Variants in PIEZO2 observed in about 807,000 individuals in gnomAD.
PIEZO2 encodes the protein piezo-type mechanosensitive ion channel component 2.
In PIEZO2, 172 loss-of-function variants were observed where a neutral mutation model predicts 337.3. The ratio of observed to expected loss-of-function variants is 0.51; its 90% confidence interval spans 0.45 to 0.58. The LOEUF (loss-of-function observed/expected upper bound fraction) is 0.58, where lower values mean the gene tolerates loss of function less well. Ranked by LOEUF, PIEZO2 falls within the 20% of genes least tolerant of loss-of-function variation. The probability of loss-of-function intolerance (pLI) is 0.00; values close to 1 mark genes in which losing one functional copy is unlikely to be tolerated. For synonymous variants in PIEZO2, 1,251 were observed against 1,228.5 expected (o/e 1.02, Z -0.38); for missense variants, 3,028 against 3,391.3 (o/e 0.89, Z 2.66).
rs1473154974 is a variant in PIEZO2 at position 10,952,556 on chromosome 18, T to C, written c.286+26979A>G. 6.6e-6 allele frequency among the ~76,000 whole-genome samples: 1 copy of C among 152,364 alleles called. No homozygotes were observed. Among genetic ancestry groups the C allele is most frequent in the African/African-American group, 2.4e-5 (1 of 41,594 alleles). On this transcript the variant is annotated intron_variant, in intron 3 of 55. Coordinates refer to ENST00000674853, the MANE Select transcript of PIEZO2 (RefSeq NM_001378183.1). This position sits in a 1 kb window ranked among gnomAD's most constrained non-coding sequence, Gnocchi z 4.1. ...TGTACCCATAGTTTGTTGCTTTCTATTGTTGACCTGTGTAGTCCATCCAGG... is the reference window on the plus strand; with the variant it reads ...TGTACCCATAGTTTGTTGCTTTCTACTGTTGACCTGTGTAGTCCATCCAGG...
Position 10,954,233 on chromosome 18 carries a change from A to C in PIEZO2, c.286+25302T>G, listed in dbSNP as rs2033425393. Among the ~76,000 whole-genome samples, 1 of 152,116 alleles carries C rather than the reference A, an allele frequency of 6.6e-6. No homozygotes were observed. On this transcript the variant is annotated intron_variant, in intron 3 of 55. Transcript: ENST00000674853. The surrounding 1 kb of genome is among the most constrained non-coding windows in gnomAD (Gnocchi z 4.2). ...ACAAAAATATCCTGCTGGGATTCTG[A>C]CTAGAATTGTGTTGAACCTATAGAT...
rs371740075 is a variant in PIEZO2, at chr18:10,881,190, T to C, written c.330-9775A>G. Among the ~76,000 whole-genome samples, 8 of 152,016 alleles carry C rather than the reference T, an allele frequency of 5.3e-5. No individual in the cohort carries two copies. The South Asian group carries it at 1.7e-3, about 32-fold the overall frequency. On this transcript the variant is annotated intron_variant, in intron 4 of 55. Coordinates refer to ENST00000674853, the MANE Select transcript of PIEZO2 (RefSeq NM_001378183.1). ...ACGCAGATATCTAATTACCTTAAGGTATGAATTGTTGCTGGATTTTCAGGA... is the reference window on the plus strand; with the variant it reads ...ACGCAGATATCTAATTACCTTAAGGCATGAATTGTTGCTGGATTTTCAGGA...
chr18:10,704,358 C>CT, intron 42 of PIEZO2, 36 bp downstream of exon 42: 1 of 1,532,606 alleles, frequency 6.5e-7, no homozygotes. Flanking sequence ...GCATAGCCGC[C>CT]TGAAGCCATC....
chr18:10,680,163 A>C, intron 52 of PIEZO2, 36 bp downstream of exon 52: 1 of 1,544,518 alleles, frequency 6.5e-7, no homozygotes, highest in Non-Finnish European at 8.8e-7. Flanking sequence ...TAGACTGGGG[A>C]AAGGGATAAA....
intron 1 of PIEZO2, among the ~76,000 whole-genome samples, chr18:11,118,012 T>A (rs1007534035): frequency 6.6e-6 from 1 of 152,308 alleles, no homozygotes; most frequent in African/African-American, 2.4e-5. Flanking sequence ...TGGCTAAAAG[T>A]TTATGTTGTC....
intron 10 of PIEZO2, 52 bp downstream of exon 10, chr18:10,801,338 G>C: frequency 1.4e-6 from 2 of 1,393,010 alleles, no homozygotes; most frequent in Non-Finnish European, 1.9e-6. Flanking sequence ...TCCATTTGTT[G>C]CCTTTACATC....
At chr18:11,026,921 AAG>A (rs1273483384) in intron 2 of PIEZO2, among the ~76,000 whole-genome samples, 4 of 152,216 alleles carry the variant, frequency 2.6e-5, no homozygotes, top group African/African-American at 9.7e-5. Context: ...ACACAGGAAA[AAG>A]AGAAAAAGAA....
chr18:11,118,591 A>G (rs2039950801), intron 1 of PIEZO2, among the ~76,000 whole-genome samples: 2 of 152,234 alleles, frequency 1.3e-5, no homozygotes, highest in Admixed American at 1.3e-4. Context: ...ACCATCAAGA[A>G]GTGGAATGAA....
At position 11,051,364 on chromosome 18, in the gene PIEZO2, T is replaced by TGTGTGTGTGTGG. The variant is rs1288310705; in HGVS notation, c.160+14762_160+14763insCCACACACACAC. 1.8e-3 allele frequency among the ~76,000 whole-genome samples: 279 copies of TGTGTGTGTGTGG among 151,968 alleles called. 2 individuals carry two copies. The highest frequency in any genetic ancestry group is 5.2e-3 in the South Asian group (25 of 4,814). ...CTTAGGATGTGTGTGTGTGTGTGTG[T>TGTGTGTGTGTGG]GTGTGGGTGTGGGTGTGGGTGTGGG... On this transcript the variant is annotated intron_variant, in intron 2 of 55. Coordinates refer to ENST00000674853, the MANE Select transcript of PIEZO2 (RefSeq NM_001378183.1).
At chr18:11,086,257 A>G (rs1018594260) in intron 1 of PIEZO2, among the ~76,000 whole-genome samples, 6 of 152,208 alleles carry the variant, frequency 3.9e-5, no homozygotes, top group African/African-American at 7.2e-5. Context: ...GCAGTGGCTC[A>G]TGCCTGTAAT....
chr18:10,812,457 C>T (rs2040224270), intron 7 of PIEZO2, among the ~76,000 whole-genome samples: 1 of 152,160 alleles, frequency 6.6e-6, no homozygotes, highest in Non-Finnish European at 1.5e-5. Flanking sequence ...ATGAAATCAT[C>T]TGTATACCTG....
At chr18:11,026,262 T>C (rs922959824) in intron 2 of PIEZO2, among the ~76,000 whole-genome samples, 4 of 152,202 alleles carry the variant, frequency 2.6e-5, no homozygotes, top group African/African-American at 9.7e-5. Context: ...TTTATTAATA[T>C]ATTGAAATTG....
rs909656867 is a variant in PIEZO2, at chr18:11,031,879, C to T, written c.160+34248G>A. Among the ~76,000 whole-genome samples, 5 of 152,182 alleles carry T rather than the reference C, an allele frequency of 3.3e-5. No homozygotes were observed. The highest frequency in any genetic ancestry group is 1.2e-4 in the African/African-American group (5 of 41,430). On this transcript the variant is annotated intron_variant, in intron 2 of 55. Transcript: ENST00000674853. The surrounding 1 kb of genome is among the most constrained non-coding windows in gnomAD (Gnocchi z 4.7). ...TTTTAATATTTTATAATCCATTTGG[C>T]TGCTGAATATTAGCCCAACCCTTTA...
In PIEZO2 at chr18:10,744,167, T is replaced by G. The variant is rs969514830; in HGVS notation, c.4489A>C (p.Lys1497Gln). 1 of 1,536,788 alleles carries G rather than the reference T, an allele frequency of 6.5e-7. No individual in the cohort carries two copies. The highest frequency in any genetic ancestry group is 1.4e-5 in the African/African-American group (1 of 73,030). ...AVKARIEEEK[K>Q]SMDQLKRQMD... is the part of the protein sequence containing the mutation. ...TGTCGCTTCAGCTGGTCCATGGACTTCTTCTCTTCCTCAATTCTTGCCTTT... is the reference window on the plus strand; with the variant it reads ...TGTCGCTTCAGCTGGTCCATGGACTGCTTCTCTTCCTCAATTCTTGCCTTT... The change falls in exon 31 of 56, where the codon AAG (lysine) becomes CAG (glutamine). Residue 1497 changes from lysine (K) to glutamine (Q), a missense_variant. Around this residue, in one of 5 missense-constraint regions of PIEZO2, gnomAD observed 1,925 missense variants for 2,051.9 expected, o/e 0.94. Coordinates refer to ENST00000674853, the MANE Select transcript of PIEZO2 (RefSeq NM_001378183.1).
rs1014729159 is a variant in PIEZO2, at chr18:10,854,641, C to G, written c.917+712G>C. Among the ~76,000 whole-genome samples, 1 of 152,196 alleles carries G rather than the reference C, an allele frequency of 6.6e-6. No individual in the cohort carries two copies. The highest frequency in any genetic ancestry group is 1.5e-5 in the Non-Finnish European group (1 of 68,032). ...ATTTGGTGTAATAGTCATCTCCAAT[C>G]GAAGCAAAGTATTTGATGTTTCTCC... On this transcript the variant is annotated intron_variant, in intron 7 of 55. Transcript: ENST00000674853. This position sits in a 1 kb window ranked among gnomAD's most constrained non-coding sequence, Gnocchi z 4.6.
chr18:11,145,600 C>T (rs991399054), intron 1 of PIEZO2, among the ~76,000 whole-genome samples: 1 of 152,150 alleles, frequency 6.6e-6, no homozygotes, highest in African/African-American at 2.4e-5. Context: ...GACCTTTGCA[C>T]TCACTATGCG....
chr18:10,796,875 ACAC>A (rs1300921301), intron 12 of PIEZO2, among the ~76,000 whole-genome samples: 9 of 152,332 alleles, frequency 5.9e-5, no homozygotes, highest in African/African-American at 1.9e-4. Flanking sequence ...GATATTGTAC[ACAC>A]CATCATATCA....
intron 7 of PIEZO2, among the ~76,000 whole-genome samples, chr18:10,812,950 A>G (rs2040242900): frequency 6.6e-6 from 1 of 152,080 alleles, no homozygotes; most frequent in African/African-American, 2.4e-5. Flanking sequence ...TATTTGAGGC[A>G]AAATACACAT....
chr18:11,036,770 T>G (rs1485773006), intron 2 of PIEZO2, among the ~76,000 whole-genome samples: 2 of 152,130 alleles, frequency 1.3e-5, no homozygotes, highest in Non-Finnish European at 2.9e-5. Flanking sequence ...CTTTGATATC[T>G]CCTTGATACT....
Sources: gnomAD v4.1 joint callset for allele counts (sites outside exome capture counted in the v4.1 genomes callset) on GRCh38, gnomAD v4.1.1 for gene constraint, gnomAD v4.1.1 regional missense constraint, Gnocchi (gnomAD v3.1) non-coding constraint, MANE v1.5 for transcripts, NCBI Gene and HGNC (gene_info 2026-07-23, HGNC 2026-07-21) for gene names.